SPIRE1: variants seen among roughly 807,000 people sequenced by gnomAD.
SPIRE1 encodes the protein protein spire homolog 1.
A neutral mutation model predicts 94.1 loss-of-function variants in SPIRE1; 40 were observed. The ratio of observed to expected loss-of-function variants is 0.43; its 90% CI spans 0.33 to 0.55. The LOEUF is 0.55. SPIRE1 is among the 20% of genes least tolerant of loss of function. The probability of loss-of-function intolerance (pLI) is 0.06; values close to 1 mark genes in which losing one functional copy is unlikely to be tolerated. For missense variants in SPIRE1, 838 were observed against 975.2 expected (o/e 0.86, Z 1.87); for synonymous variants, 376 against 371.7 (o/e 1.01, Z -0.13).
At chr18:12,500,778 A>T (rs906374899) in intron 6 of SPIRE1, among the ~76,000 whole-genome samples, 13 of 152,134 alleles carry the variant, frequency 8.5e-5, no homozygotes, top group African/African-American at 3.1e-4. Context: ...CCATAAGAAG[A>T]AGTAAAGTAG....
At chr18:12,634,258 T>TA (rs71174115) in intron 2 of SPIRE1, among the ~76,000 whole-genome samples, 7 of 140,938 alleles carry the variant, frequency 5.0e-5, no homozygotes, top group Non-Finnish European at 7.7e-5. Context: ...AAAATAAAAA[T>TA]AAAAAAAAAA....
At chr18:12,465,019 A>C in intron 10 of SPIRE1, 61 bp from the exon 11 acceptor site, 1 of 1,376,614 alleles carries the variant, frequency 7.3e-7, no homozygotes, top group Non-Finnish European at 1.0e-6. Context: ...GTGCTACGTA[A>C]TAACATTTTA....
At chr18:12,603,108 T>C (rs1483639740) in intron 2 of SPIRE1, among the ~76,000 whole-genome samples, 1 of 152,174 alleles carries the variant, frequency 6.6e-6, no homozygotes, top group Admixed American at 6.5e-5. Context: ...AGTTAGCCCA[T>C]GGTTGGGCAA....
intron 2 of SPIRE1, among the ~76,000 whole-genome samples, chr18:12,618,162 T>C (rs2037364791): frequency 6.6e-6 from 1 of 151,934 alleles, no homozygotes; most frequent in South Asian, 2.1e-4. Context: ...AGTGCAGTGG[T>C]GCGATCTCGG....
chr18:12,576,481 C>G (rs986597015), intron 2 of SPIRE1, among the ~76,000 whole-genome samples: 4 of 144,218 alleles, frequency 2.8e-5, no homozygotes, highest in Non-Finnish European at 6.0e-5. Flanking sequence ...CTTTGGGAGG[C>G]TGAGGCAGGA....
intron 12 of SPIRE1, among the ~76,000 whole-genome samples, chr18:12,456,732 T>G (rs2031524208): frequency 6.6e-6 from 1 of 152,216 alleles, no homozygotes; most frequent in Non-Finnish European, 1.5e-5. Flanking sequence ...ACCTGGCAGC[T>G]TGCACCTCCC....
intron 2 of SPIRE1, among the ~76,000 whole-genome samples, chr18:12,595,303 CAAT>C (rs557912088): frequency 1.3e-5 from 2 of 151,572 alleles, no homozygotes; most frequent in African/African-American, 4.9e-5. Flanking sequence ...CAGACCCTGT[CAAT>C]AATAATAATA....
intron 2 of SPIRE1, among the ~76,000 whole-genome samples, chr18:12,615,347 T>TAAAAATAAAAAAAAAAAA (rs1288874045): frequency 8.5e-5 from 1 of 11,770 alleles, no homozygotes. Flanking sequence ...AAAAAAAAAA[T>TAAAAATAAAAAAAAAAAA]ATATATATAT....
chr18:12,550,009 T>C (rs564214305), intron 2 of SPIRE1, among the ~76,000 whole-genome samples: 1 of 152,352 alleles, frequency 6.6e-6, no homozygotes, highest in African/African-American at 2.4e-5. Context: ...CACTCTTTTC[T>C]GCCTCTCTAG....
At chr18:12,553,999 G>A (rs964642637) in intron 2 of SPIRE1, among the ~76,000 whole-genome samples, 1 of 152,058 alleles carries the variant, frequency 6.6e-6, no homozygotes, top group African/African-American at 2.4e-5. Flanking sequence ...GACGTAAAAG[G>A]AGACATTAGA....
intron 2 of SPIRE1, among the ~76,000 whole-genome samples, chr18:12,557,984 G>A (rs1182064550): frequency 6.6e-6 from 1 of 152,134 alleles, no homozygotes; most frequent in Admixed American, 6.5e-5. Context: ...GCAGAGGAAT[G>A]AAACTAGACC....
At chr18:12,635,527 G>A (rs1399331775) in intron 1 of SPIRE1, among the ~76,000 whole-genome samples, 1 of 152,054 alleles carries the variant, frequency 6.6e-6, no homozygotes, top group African/African-American at 2.4e-5. Context: ...TTCAATGAAA[G>A]GAATAATGTT....
intron 2 of SPIRE1, among the ~76,000 whole-genome samples, chr18:12,602,978 T>A (rs2036879311): frequency 1.3e-5 from 2 of 152,200 alleles, no homozygotes; most frequent in Admixed American, 6.5e-5. Context: ...TGACTTATGA[T>A]GGAGTTACAT....
chr18:12,614,909 C>G (rs1414993102), intron 2 of SPIRE1, among the ~76,000 whole-genome samples: 1 of 151,846 alleles, frequency 6.6e-6, no homozygotes, highest in Non-Finnish European at 1.5e-5. Context: ...AATTTTATGG[C>G]CAGGCCCGGT....
At chr18:12,658,109 G>GCGCCCCGCCC (rs575232552), upstream of SPIRE1, 14,140 of 916,314 alleles carry the variant, frequency 0.015, 157 homozygotes, top group Non-Finnish European at 0.016. Context: ...ATGGCGTCCG[G>GCGCCCCGCCC]CGCCCCGCCC....
At chr18:12,550,495 C>T (rs771190652) in intron 2 of SPIRE1, among the ~76,000 whole-genome samples, 4 of 152,058 alleles carry the variant, frequency 2.6e-5, no homozygotes, top group Non-Finnish European at 5.9e-5. Flanking sequence ...TCCTGAGTAG[C>T]TGGGACTACA....
At chr18:12,609,162 A>G (rs184805054) in intron 2 of SPIRE1, among the ~76,000 whole-genome samples, 112 of 152,270 alleles carry the variant, frequency 7.4e-4, no homozygotes, top group Non-Finnish European at 1.3e-3. Flanking sequence ...TGCTCACTCA[A>G]CCACCACTCA....
In SPIRE1 at chr18:12,535,648, T is replaced by G. The variant is rs774890633; in HGVS notation, c.604-47A>C. ...TAATGGTGCTTGGTTACTATTTGGG[T>G]TTTTTTTGTACTTAAAAACAGACAC... is the stretch of plus-strand genomic sequence containing the variant. On this transcript the variant is annotated intron_variant, in intron 3 of 16. Coordinates refer to ENST00000409402, the MANE Select transcript of SPIRE1 (RefSeq NM_001128626.2). 22 of 1,542,508 alleles carry G rather than the reference T, an allele frequency of 1.4e-5. No individual in the cohort carries two copies. The East Asian group carries it at 4.2e-4, about 30-fold the overall frequency.
At chr18:12,561,268 ATTTTT>A (rs34495303) in intron 2 of SPIRE1, among the ~76,000 whole-genome samples, 2 of 134,880 alleles carry the variant, frequency 1.5e-5, no homozygotes, top group Non-Finnish European at 3.2e-5. Flanking sequence ...GAATAGATCA[ATTTTT>A]TTTTTTTTTT....
Sources: gnomAD v4.1 joint callset for allele counts (sites outside exome capture counted in the v4.1 genomes callset) on GRCh38, gnomAD v4.1.1 for gene constraint, MANE v1.5 for transcripts, NCBI Gene and HGNC (gene_info 2026-07-23, HGNC 2026-07-21) for gene names.